The following TRIM49C variants were observed in gnomAD, a reference collection of about 807,000 sequenced individuals.
The protein encoded by TRIM49C is tripartite motif containing 49C.
In TRIM49C, 6 loss-of-function variants were observed where a neutral mutation model predicts 21.4. The observed-to-expected ratio is 0.28, with a 90% CI of 0.15 to 0.55. The LOEUF is 0.55. Among genes scored for constraint, TRIM49C ranks in the 20% least tolerant of loss-of-function variants. TRIM49C has a pLI of 0.94. For synonymous variants in TRIM49C, 57 were observed against 148.1 expected, an observed-to-expected ratio of 0.38 and a Z score of 4.47; for missense variants, 161 against 442.4, an observed-to-expected ratio of 0.36 and a Z score of 5.71.
intron 5 of TRIM49C, among the ~76,000 whole-genome samples, chr11:90,038,259 G>T (rs1202689913): frequency 3.6e-5 from 4 of 111,984 alleles, no homozygotes; most frequent in African/African-American, 6.8e-5. Flanking sequence ...TATACTTTGG[G>T]TTGTTAAACA....
At chr11:90,045,740 C>T (rs1365536795), downstream of TRIM49C, among the ~76,000 whole-genome samples, 1 of 110,414 alleles carries the variant, frequency 9.1e-6, no homozygotes, top group Non-Finnish European at 1.8e-5. Flanking sequence ...ATTTGACTTC[C>T]TCTTTTCCTA....
At chr11:90,037,097 A>G (rs1234042375) in intron 4 of TRIM49C, among the ~76,000 whole-genome samples, 2 of 96,800 alleles carry the variant, frequency 2.1e-5, no homozygotes, top group African/African-American at 7.9e-5. Flanking sequence ...GTATGTATGT[A>G]TGTGTGTGTG....
chr11:90,070,691 T>C, the TRIM49C span, among the ~76,000 whole-genome samples: 1 of 141,054 alleles, frequency 7.1e-6, no homozygotes, highest in Non-Finnish European at 1.5e-5. Flanking sequence ...GTGTAAGAGA[T>C]GAGAATACAT....
the TRIM49C span, among the ~76,000 whole-genome samples, chr11:90,066,227 T>C: frequency 7.4e-6 from 1 of 134,684 alleles, no homozygotes; most frequent in Non-Finnish European, 1.6e-5. Context: ...ACCATGTTGC[T>C]TAAGCTGGTC....
the TRIM49C span, among the ~76,000 whole-genome samples, chr11:90,053,934 T>C: frequency 7.1e-4 from 102 of 144,344 alleles, 7 homozygotes; most frequent in African/African-American, 2.3e-3. Context: ...TTTCGGATTA[T>C]TGGGATTAAA....
chr11:90,053,511 T>G, the TRIM49C span: 2 of 157,856 alleles, frequency 1.3e-5, no homozygotes, highest in East Asian at 1.9e-4. Flanking sequence ...CCTCCTCCGG[T>G]ACGCTCTCCA....
chr11:90,053,229 G>T, the TRIM49C span: 1 of 142,662 alleles, frequency 7.0e-6, no homozygotes, highest in Non-Finnish European at 1.5e-5. Flanking sequence ...GGAAGGGCAA[G>T]GCTGAGAGCC....
the TRIM49C span, among the ~76,000 whole-genome samples, chr11:90,047,876 C>A: frequency 2.5e-5 from 3 of 118,222 alleles, 1 homozygote; most frequent in African/African-American, 1.0e-4. Flanking sequence ...ATGGTCTTTA[C>A]AATTTGGCAT....
chr11:90,038,993 C>G (rs1164873147), intron 6 of TRIM49C, among the ~76,000 whole-genome samples: 1 of 138,222 alleles, frequency 7.2e-6, no homozygotes, highest in African/African-American at 2.6e-5. Context: ...CATCTCGGCT[C>G]ACTGCAAGCT....
the TRIM49C span, among the ~76,000 whole-genome samples, chr11:90,063,470 G>A: frequency 3.3e-3 from 441 of 135,534 alleles, 1 homozygote; most frequent in African/African-American, 0.012. Context: ...TCGGGAGGCC[G>A]AGGCAGGCGG....
the TRIM49C span, among the ~76,000 whole-genome samples, chr11:90,067,857 T>C: frequency 7.3e-6 from 1 of 137,830 alleles, no homozygotes; most frequent in East Asian, 2.2e-4. Context: ...TTATAAGGGT[T>C]TTCAGCCTCA....
the TRIM49C span, chr11:90,052,586 C>T: frequency 6.9e-6 from 1 of 144,984 alleles, no homozygotes; most frequent in Non-Finnish European, 1.5e-5. Context: ...GTACTTTTCC[C>T]CCAACCGCTC....
the TRIM49C span, among the ~76,000 whole-genome samples, chr11:90,048,872 C>T: frequency 8.1e-6 from 1 of 123,868 alleles, no homozygotes; most frequent in East Asian, 2.6e-4. Context: ...TTTTTCTGCT[C>T]TGTTTTTTCC....
At chr11:90,047,049 T>C in the TRIM49C span, among the ~76,000 whole-genome samples, 2 of 123,598 alleles carry the variant, frequency 1.6e-5, 1 homozygote, top group Non-Finnish European at 3.3e-5. Context: ...CAGGAGCAGG[T>C]TGTTCAGTTT....
At position 90,035,208 on chromosome 11, in the gene TRIM49C, A is replaced by G; in HGVS notation, c.-4A>G. 1 of 1,587,442 alleles carries G rather than the reference A, an allele frequency of 6.3e-7. No individual in the cohort carries two copies. ...TGACATGTTTCTCTTTGTTCCTCAG[A>G]AACATGAATTCTGGAATCTTACAGG... On this transcript the variant is annotated splice_region_variant and 5_prime_UTR_variant, in exon 3 of 8. Transcript: ENST00000448984.
the TRIM49C span, chr11:90,071,179 G>A: frequency 4.1e-6 from 2 of 492,672 alleles, no homozygotes; most frequent in Non-Finnish European, 8.0e-6. Context: ...GTATGTTAAT[G>A]GCCATCAGTG....
At chr11:90,066,056 T>C in the TRIM49C span, among the ~76,000 whole-genome samples, 2 of 139,522 alleles carry the variant, frequency 1.4e-5, 1 homozygote, top group Non-Finnish European at 3.1e-5. Flanking sequence ...TATCTTGCTC[T>C]GTCGCCCAGG....
chr11:90,069,160 A>T, the TRIM49C span, among the ~76,000 whole-genome samples: 4 of 132,740 alleles, frequency 3.0e-5, no homozygotes, highest in African/African-American at 1.2e-4. Context: ...GCTGGAGTGC[A>T]GTGGCACAAT....
At chr11:90,055,506 T>A in the TRIM49C span, among the ~76,000 whole-genome samples, 1 of 151,354 alleles carries the variant, frequency 6.6e-6, no homozygotes, top group African/African-American at 2.4e-5. Flanking sequence ...TTATTTTCAG[T>A]TGTGCCAGTC....
Sources: gnomAD v4.1 joint callset for allele counts (sites outside exome capture counted in the v4.1 genomes callset) on GRCh38, gnomAD v4.1.1 for gene constraint, MANE v1.5 for transcripts, NCBI Gene and HGNC (gene_info 2026-07-23, HGNC 2026-07-21) for gene names.